WNK3: variants seen among roughly 807,000 people sequenced by gnomAD.
The protein encoded by WNK3 is serine/threonine-protein kinase WNK3.
In WNK3, 18 loss-of-function variants were observed where a neutral mutation model predicts 116.7. The observed-to-expected ratio is 0.15, with a 90% CI of 0.11 to 0.23. The LOEUF (loss-of-function observed/expected upper bound fraction) is 0.23. Among genes scored for constraint, WNK3 ranks in the 10% least tolerant of loss-of-function variants. The pLI is 1.00. For missense variants in WNK3, 993 were observed against 1,323.8 expected, an observed-to-expected ratio of 0.75 and a Z score of 3.88; for synonymous variants, 404 against 469.4, an observed-to-expected ratio of 0.86 and a Z score of 1.80.
chrX:54,266,847 A>G (rs1256774223), intron 10 of WNK3, among the ~76,000 whole-genome samples: 3 of 110,551 alleles, frequency 2.7e-5, no homozygotes, highest in Admixed American at 9.7e-5. Flanking sequence ...CTAGGTTTTA[A>G]GCTCCGCATG....
At chrX:54,259,824 G>A (rs1362305290) in intron 10 of WNK3, among the ~76,000 whole-genome samples, 1 of 111,694 alleles carries the variant, frequency 9.0e-6, no homozygotes, top group Admixed American at 9.6e-5. Flanking sequence ...TGGCTTCCAG[G>A]AGAAAAGTGT....
At chrX:54,315,168 G>A (rs1420038234) in intron 2 of WNK3, among the ~76,000 whole-genome samples, 2 of 109,006 alleles carry the variant, frequency 1.8e-5, no homozygotes, top group Admixed American at 1.0e-4. Context: ...ATGGAGGCAC[G>A]TCCCAATAGC....
Position 54,333,809 on chromosome X carries a change from A to T in WNK3, c.-119-17T>A, listed in dbSNP as rs1413560883. On this transcript the variant is annotated splice_polypyrimidine_tract_variant and intron_variant, in intron 1 of 23. Transcript: ENST00000354646. Reference sequence around the variant, plus strand: ...CATAGCAACCTGAAGGGGGGGAAAAAGATATTTTAAAATCACCCTACAAAG... The same window carrying T: ...CATAGCAACCTGAAGGGGGGGAAAATGATATTTTAAAATCACCCTACAAAG... 4.4e-6 allele frequency: 2 copies of T among 455,378 alleles called. No homozygotes were observed. Among genetic ancestry groups the T allele is most frequent in the Admixed American group, 4.2e-5 (1 of 23,797 alleles). The allele number at this position is 455,378 out of a possible 1,213,427, so 37.5% of individuals were successfully genotyped here. A position where few individuals can be genotyped will look rare whatever the true frequency, so the allele number is the denominator to read the frequency against.
intron 4 of WNK3, 77 bp downstream of exon 4, chrX:54,309,018 G>T: frequency 1.1e-6 from 1 of 878,988 alleles, no homozygotes; most frequent in Non-Finnish European, 1.6e-6. Flanking sequence ...GGCCATAGCT[G>T]GCTGATTCCT....
chrX:54,347,412 G>A (rs782314548), intron 1 of WNK3, among the ~76,000 whole-genome samples: 14 of 111,526 alleles, frequency 1.3e-4, no homozygotes, highest in Middle Eastern at 4.7e-3. Context: ...CTTGAACCCC[G>A]GAGGCAGAGG....
intron 6 of WNK3, among the ~76,000 whole-genome samples, chrX:54,301,540 G>T (rs2068758604): frequency 9.1e-6 from 1 of 110,163 alleles, no homozygotes; most frequent in Admixed American, 9.8e-5. Flanking sequence ...TTGTCAAAAG[G>T]CACACACACA....
intron 22 of WNK3, among the ~76,000 whole-genome samples, chrX:54,228,492 T>C (rs2067866341): frequency 9.0e-6 from 1 of 110,993 alleles, no homozygotes; most frequent in Non-Finnish European, 1.9e-5. Context: ...GGCCTGTGGT[T>C]GGGGGTTTGG....
intron 1 of WNK3, among the ~76,000 whole-genome samples, chrX:54,343,866 G>GC: frequency 9.1e-6 from 1 of 109,783 alleles, no homozygotes; most frequent in Admixed American, 9.9e-5. Flanking sequence ...AAGCCACATT[G>GC]CCCCGGCTCC....
intron 10 of WNK3, among the ~76,000 whole-genome samples, chrX:54,283,471 A>G (rs1170770283): frequency 1.8e-5 from 2 of 110,356 alleles, no homozygotes; most frequent in Non-Finnish European, 3.8e-5. Context: ...GGATGTCTAC[A>G]ATAAAAATGA....
intron 10 of WNK3, among the ~76,000 whole-genome samples, chrX:54,275,179 G>A (rs1453880847): frequency 4.6e-5 from 5 of 109,218 alleles, no homozygotes; most frequent in South Asian, 4.0e-4. Flanking sequence ...AGCCAGGTGC[G>A]GTGGTAGGCA....
At position 54,311,844 on chromosome X, in the gene WNK3, AT is replaced by A. The variant is rs782554606; in HGVS notation, c.538-554del. On this transcript the variant is annotated intron_variant, in intron 2 of 23. Coordinates refer to ENST00000354646, the Ensembl canonical transcript of WNK3. ...GAAGTCAAAGGAACAATTTTACAGA[AT>A]TCTGAGGGAGAACTATGGCCCTAAA... 4.8e-4 allele frequency among the ~76,000 whole-genome samples: 54 copies of A among 111,589 alleles called. 1 individual carries two copies. The highest frequency in any genetic ancestry group is 8.8e-4 in the Non-Finnish European group (47 of 53,163).
At chrX:54,283,579 C>G (rs1393729725) in intron 10 of WNK3, among the ~76,000 whole-genome samples, 1 of 109,636 alleles carries the variant, frequency 9.1e-6, no homozygotes, top group Non-Finnish European at 1.9e-5. Flanking sequence ...ACTATCCTGG[C>G]TAAGATGGTG....
intron 2 of WNK3, among the ~76,000 whole-genome samples, chrX:54,327,543 C>T (rs2069120128): frequency 9.0e-6 from 1 of 111,305 alleles, no homozygotes; most frequent in African/African-American, 3.3e-5. Flanking sequence ...ATCAAACACG[C>T]AAAAATAAAA....
At chrX:54,264,456 G>A (rs782669961) in intron 10 of WNK3, among the ~76,000 whole-genome samples, 3 of 110,153 alleles carry the variant, frequency 2.7e-5, no homozygotes, top group Non-Finnish European at 3.8e-5. Flanking sequence ...ACGAGCCACC[G>A]TGCCAGGCCT....
At chrX:54,333,021 G>T in intron 2 of WNK3, 116 bp downstream of exon 2, 1 of 524,169 alleles carries the variant, frequency 1.9e-6, no homozygotes, top group Non-Finnish European at 3.0e-6. Flanking sequence ...CTAGGATGTG[G>T]GGGACAAGCC....
chrX:54,303,378 T>G (rs2068789539), intron 5 of WNK3, among the ~76,000 whole-genome samples: 1 of 111,196 alleles, frequency 9.0e-6, no homozygotes, highest in African/African-American at 3.3e-5. Flanking sequence ...ACCTTTTATT[T>G]AAGATTTAAA....
At chrX:54,198,467 A>G (rs781962583) in exon 24 of WNK3, 3 of 1,210,308 alleles carry the variant, frequency 2.5e-6, no homozygotes, top group East Asian at 5.9e-5. Context: ...ATTCCTACCC[A>G]CTGTACTGGA....
At chrX:54,256,597 G>A (rs2068195582) in intron 11 of WNK3, among the ~76,000 whole-genome samples, 1 of 111,852 alleles carries the variant, frequency 8.9e-6, no homozygotes, top group Non-Finnish European at 1.9e-5. Context: ...CAATAAACAC[G>A]TTTGGAATTT....
In WNK3 at chrX:54,219,373, A is replaced by T. The variant is rs968089404; in HGVS notation, c.4870+9341T>A. On this transcript the variant is annotated intron_variant, in intron 22 of 23. Coordinates refer to ENST00000354646, the Ensembl canonical transcript of WNK3. ...AGACTATCAAAGAAGAATTCACCTA[A>T]ATCTTTCAAAAATGAAGGAGACCCG... 4.9e-4 allele frequency among the ~76,000 whole-genome samples: 54 copies of T among 110,637 alleles called. 1 individual carries two copies. The highest frequency in any genetic ancestry group is 1.8e-3 in the African/African-American group (54 of 30,513).
Sources: gnomAD v4.1 joint callset for allele counts (sites outside exome capture counted in the v4.1 genomes callset) on GRCh38, gnomAD v4.1.1 for gene constraint, MANE v1.5 for transcripts, NCBI Gene and HGNC (gene_info 2026-07-23, HGNC 2026-07-21) for gene names.